NBPF14: variants seen among roughly 807,000 people sequenced by gnomAD.
NBPF14 encodes the protein NBPF member 14.
In NBPF14, 104 loss-of-function variants were observed where a neutral mutation model predicts 91.2. The ratio of observed to expected loss-of-function variants is 1.14; its 90% CI spans 0.97 to 1.34. NBPF14 has a LOEUF of 1.34. Ranked by LOEUF, NBPF14 falls within the 40% of genes most tolerant of loss-of-function variation. NBPF14 has a pLI of 0.00. For synonymous variants in NBPF14, 294 were observed against 303.8 expected (o/e 0.97, Z 0.34); for missense variants, 908 against 783.0 (o/e 1.16, Z -1.91).
In NBPF14 at chr1:148,592,829, G is replaced by T; in HGVS notation, c.279-63C>A. Reference sequence around the variant, plus strand: ...GGGTTGAGTGATCCGTTCAAATATTGCAACAGAGACTTCTGAGACAATGTC... The same window carrying T: ...GGGTTGAGTGATCCGTTCAAATATTTCAACAGAGACTTCTGAGACAATGTC... On this transcript the variant is annotated intron_variant, in intron 3 of 70. Transcript: ENST00000619423. 6.2e-6 allele frequency: 7 copies of T among 1,127,988 alleles called. 2 individuals carry two copies. The highest frequency in any genetic ancestry group is 8.9e-6 in the Non-Finnish European group (7 of 782,912). The allele number at this position is 1,127,988 out of a possible 1,614,324, so 69.9% of individuals were successfully genotyped here.
At chr1:148,578,069 A>C (rs1660275507) in intron 13 of NBPF14, 35 bp from the exon 14 acceptor site, 3 of 653,430 alleles carry the variant, frequency 4.6e-6, no homozygotes, top group East Asian at 2.6e-5. Flanking sequence ...TCTTACATTA[A>C]GTTCTTCCTT....
At chr1:148,566,800 C>T (rs1446960602) in intron 28 of NBPF14, among the ~76,000 whole-genome samples, 152 bp downstream of exon 28, 1 of 92,794 alleles carries the variant, frequency 1.1e-5, no homozygotes. Context: ...ACCTAAATAT[C>T]TACTGCAATG....
chr1:148,561,801 AAAC>A (rs1657807991), intron 34 of NBPF14, among the ~76,000 whole-genome samples: 3 of 95,718 alleles, frequency 3.1e-5, no homozygotes, highest in East Asian at 2.6e-4. Flanking sequence ...ACACACACAC[AAAC>A]ACACACACAC....
chr1:148,561,838 G>T (rs75186246), intron 34 of NBPF14, among the ~76,000 whole-genome samples: 2 of 138,084 alleles, frequency 1.4e-5, no homozygotes, highest in Non-Finnish European at 3.0e-5. Flanking sequence ...GAGAGAGAGA[G>T]AGAGAGAGAA....
intron 40 of NBPF14, among the ~76,000 whole-genome samples, chr1:148,557,126 T>A (rs1444360393): frequency 4.2e-5 from 5 of 119,992 alleles, no homozygotes; most frequent in African/African-American, 1.3e-4. Context: ...ATTGTCCAGG[T>A]GACACACTGA....
At chr1:148,572,365 G>C in intron 21 of NBPF14, 78 bp downstream of exon 21, 1 of 345,216 alleles carries the variant, frequency 2.9e-6, no homozygotes, top group Admixed American at 5.4e-5. Flanking sequence ...GGGTCAGTAA[G>C]GGGCACTTGG....
chr1:148,593,395 A>G lies in NBPF14; in HGVS notation c.278+203T>C, dbSNP rs1662818344. ...CAACAATTACTTGTTTGAAAAAGAG[A>G]AAACAAGGCTCTAAGAAACAACTGC... On this transcript the variant is annotated intron_variant, in intron 3 of 70. Transcript: ENST00000619423. Among the ~76,000 whole-genome samples the G allele has an allele frequency of 1.3e-5, 2 of 148,600 alleles. 1 individual carries two copies. The highest frequency in any genetic ancestry group is 3.0e-5 in the Non-Finnish European group (2 of 66,372).
intron 69 of NBPF14, 120 bp downstream of exon 69, chr1:148,534,564 C>A: frequency 3.9e-6 from 3 of 759,738 alleles, no homozygotes; most frequent in Admixed American, 1.9e-5. Context: ...TATATGCGCC[C>A]ATAGGTCCTG....
At chr1:148,576,074 G>T (rs1477144967) in intron 16 of NBPF14, among the ~76,000 whole-genome samples, 1 of 145,098 alleles carries the variant, frequency 6.9e-6, no homozygotes, top group South Asian at 2.2e-4. Flanking sequence ...CTGATGAAGG[G>T]GTTAAAGGAC....
chr1:148,559,632 G>T lies in NBPF14; in HGVS notation c.4729+161C>A, dbSNP rs1219982834. On this transcript the variant is annotated intron_variant, in intron 37 of 70. Coordinates refer to ENST00000619423, the Ensembl canonical transcript of NBPF14. ...GCTCACTGACCCATCCCTTGTCTGG[G>T]CTTCCAAGTGGAACTAGAGTTTCAT... 8.8e-5 allele frequency among the ~76,000 whole-genome samples: 11 copies of T among 125,312 alleles called. 1 individual carries two copies. The highest frequency in any genetic ancestry group is 7.2e-4 in the East Asian group (3 of 4,154). 82.2% of individuals were successfully genotyped at this position (125,312 alleles called of 152,430 possible).
intron 6 of NBPF14, among the ~76,000 whole-genome samples, chr1:148,590,215 A>G (rs1251620164): frequency 8.4e-6 from 1 of 118,796 alleles, no homozygotes; most frequent in African/African-American, 3.1e-5. Context: ...ACGCCCAGCT[A>G]TTTTTTTTTT....
intron 3 of NBPF14, among the ~76,000 whole-genome samples, chr1:148,593,240 C>T (rs1477730003): frequency 1.3e-5 from 2 of 148,684 alleles, no homozygotes; most frequent in East Asian, 3.9e-4. Flanking sequence ...AATGAGAAGC[C>T]GCAGTCAGTC....
At chr1:148,585,415 T>C (rs1159063882) in intron 9 of NBPF14, among the ~76,000 whole-genome samples, 8 of 151,940 alleles carry the variant, frequency 5.3e-5, no homozygotes, top group Non-Finnish European at 1.2e-4. Context: ...AGGGCCACCA[T>C]CAACATGTGG....
chr1:148,559,556 G>T (rs1458012648), intron 37 of NBPF14, among the ~76,000 whole-genome samples: 1 of 122,072 alleles, frequency 8.2e-6, no homozygotes, highest in Middle Eastern at 3.5e-3. Flanking sequence ...AATGTCATGA[G>T]AGTAGGATTA....
chr1:148,592,774 G>A lies in NBPF14; in HGVS notation c.279-8C>T. 1.9e-6 allele frequency: 3 copies of A among 1,558,234 alleles called. No individual in the cohort carries two copies. The highest frequency in any genetic ancestry group is 2.2e-5 in the East Asian group (1 of 44,712). On this transcript the variant is annotated splice_polypyrimidine_tract_variant and splice_region_variant and intron_variant, in intron 3 of 70. Coordinates refer to ENST00000619423, the Ensembl canonical transcript of NBPF14. ...ACCAGGACTTTATATTGCCTAAGGT[G>A]AGACGGTAGAGAAAATTTAAGAGTA...
rs1662437148 is a variant in NBPF14 at position 148,591,316 on chromosome 1, T to C, written c.566+116A>G. 5 of 1,432,732 alleles carry C rather than the reference T, an allele frequency of 3.5e-6. No homozygotes were observed. The South Asian group carries it at 3.5e-5, about 10-fold the overall frequency. 88.8% of individuals were successfully genotyped at this position (1,432,732 alleles called of 1,614,324 possible). On this transcript the variant is annotated intron_variant, in intron 5 of 70. Transcript: ENST00000619423. ...TGTCTAAGCTGGGTTGAATTTCACA[T>C]ACTGTGGCCAAGGGAATGCGGGCAT...
chr1:148,586,690 C>T, intron 8 of NBPF14, among the ~76,000 whole-genome samples: 1 of 146,658 alleles, frequency 6.8e-6, no homozygotes, highest in Admixed American at 6.9e-5. Flanking sequence ...GATGATGTTC[C>T]ATTCATCTTT....
chr1:148,574,456 C>A (rs1659472675), intron 18 of NBPF14, among the ~76,000 whole-genome samples: 3 of 55,636 alleles, frequency 5.4e-5, no homozygotes, highest in Admixed American at 1.8e-4. Flanking sequence ...CACACACACA[C>A]ACACACACAC....
intron 21 of NBPF14, 110 bp downstream of exon 21, chr1:148,572,333 G>T: frequency 3.7e-6 from 1 of 272,972 alleles, no homozygotes; most frequent in Non-Finnish European, 6.3e-6. Context: ...CATAGGTCCT[G>T]CCTGCGGCAA....
Sources: gnomAD v4.1 joint callset for allele counts (sites outside exome capture counted in the v4.1 genomes callset) on GRCh38, gnomAD v4.1.1 for gene constraint, MANE v1.5 for transcripts, NCBI Gene and HGNC (gene_info 2026-07-23, HGNC 2026-07-21) for gene names.